The following CDS2 variants were observed in gnomAD, a reference collection of about 807,000 sequenced individuals.
The protein encoded by CDS2 is CDP-diacylglycerol synthase 2, also known as phosphatidate cytidylyltransferase 2.
Under a neutral mutation model 59.0 loss-of-function variants are expected in CDS2, and 47 were observed. That is an observed-to-expected ratio of 0.80 (90% CI 0.63 to 1.02). The LOEUF (loss-of-function observed/expected upper bound fraction) is 1.02. Among genes scored for constraint, CDS2 ranks in the 50% least tolerant of loss-of-function variants. The pLI is 0.00. For synonymous variants in CDS2, 207 were observed against 206.4 expected (o/e 1.00, Z -0.02); for missense variants, 356 against 558.9 (o/e 0.64, Z 3.66).
chr20:5,162,967 A>G (rs2090885977), intron 1 of CDS2, among the ~76,000 whole-genome samples: 1 of 152,178 alleles, frequency 6.6e-6, no homozygotes, highest in Non-Finnish European at 1.5e-5. Context: ...CTTATGTTTG[A>G]AGATGCACTT....
chr20:5,186,717 T>C lies in CDS2; in HGVS notation c.859T>C (p.Phe287Leu). Residue 287 changes from phenylalanine to leucine, a missense_variant, in exon 10 of 13, where the codon TTT (phenylalanine) becomes CTT (leucine). Phe to Leu is a conservative substitution (Grantham distance 22, BLOSUM62 0). Around this residue, in one of 5 missense-constraint regions of CDS2, gnomAD observed 88 missense variants for 103.6 expected, o/e 0.85. Coordinates refer to ENST00000460006, the MANE Select transcript of CDS2 (RefSeq NM_003818.4). Reference protein sequence around the residue: ...LSYVMSGYRCFVCPVEYNNDT... With the variant: ...LSYVMSGYRCLVCPVEYNNDT... ...CTATGTGATGTCCGGGTACAGATGC[T>C]TTGTCTGCCCTGTGGAGTACAACAA... 6.2e-7 allele frequency: 1 copy of C among 1,614,124 alleles called. No homozygotes were observed. The highest frequency in any genetic ancestry group is 8.5e-7 in the Non-Finnish European group (1 of 1,179,998).
intron 1 of CDS2, among the ~76,000 whole-genome samples, chr20:5,131,590 C>T (rs748802020): frequency 6.6e-6 from 1 of 152,186 alleles, no homozygotes; most frequent in Non-Finnish European, 1.5e-5. Context: ...TAAATTAGAG[C>T]TTTACTTATT....
chr20:5,136,452 G>C (rs1261334047), intron 1 of CDS2, among the ~76,000 whole-genome samples: 1 of 152,122 alleles, frequency 6.6e-6, no homozygotes, highest in Non-Finnish European at 1.5e-5. Context: ...GTTGCTCTTG[G>C]AGACTTCAAC....
intron 1 of CDS2, among the ~76,000 whole-genome samples, chr20:5,137,763 C>G (rs2090659523): frequency 6.6e-6 from 1 of 151,560 alleles, no homozygotes; most frequent in East Asian, 2.0e-4. Flanking sequence ...GCAGTGTAGC[C>G]CACTGCACTA....
chr20:5,128,252 G>A (rs1023925427), intron 1 of CDS2: 6 of 152,154 alleles, frequency 3.9e-5, no homozygotes, highest in African/African-American at 1.4e-4. Context: ...CCAGGCTCAC[G>A]GCTTCCCCTA....
At chr20:5,188,980 G>A (rs1364368092) in intron 10 of CDS2, 87 bp from the exon 11 acceptor site, 3 of 1,555,726 alleles carry the variant, frequency 1.9e-6, no homozygotes, top group Admixed American at 1.7e-5. Flanking sequence ...GCCACAATGA[G>A]GATCAAATTT....
intron 1 of CDS2, among the ~76,000 whole-genome samples, chr20:5,147,598 C>T (rs2122984708): frequency 6.6e-6 from 1 of 152,162 alleles, no homozygotes; most frequent in South Asian, 2.1e-4. Context: ...TTTGTAGGGG[C>T]TCCCTATGTT....
chr20:5,133,502 G>T (rs1304244229), intron 1 of CDS2, among the ~76,000 whole-genome samples: 1 of 152,056 alleles, frequency 6.6e-6, no homozygotes, highest in Non-Finnish European at 1.5e-5. Flanking sequence ...GTTAGATACA[G>T]AATGGTTCGT....
At chr20:5,130,202 T>G (rs2090592845) in intron 1 of CDS2, among the ~76,000 whole-genome samples, 1 of 151,680 alleles carries the variant, frequency 6.6e-6, no homozygotes, top group Non-Finnish European at 1.5e-5. Flanking sequence ...CTCGAACTCC[T>G]GACCTCAGGT....
Position 5,193,788 on chromosome 20 carries a change from A to T in CDS2, c.*3554A>T, listed in dbSNP as rs2091136004. ...CAAAGCCAGTCCTAGTTGCATGTCC[A>T]AGGGGGTAGATTTTCATCACCCTAC... On this transcript the variant is annotated 3_prime_UTR_variant, in exon 13 of 13. Transcript: ENST00000460006. 1 of 152,230 alleles carries T rather than the reference A, an allele frequency of 6.6e-6. No homozygotes were observed. The highest frequency in any genetic ancestry group is 1.5e-5 in the Non-Finnish European group (1 of 68,030). 9.4% of individuals were successfully genotyped at this position (152,230 alleles called of 1,614,324 possible). A position where few individuals can be genotyped will look rare whatever the true frequency, so the allele number is the denominator to read the frequency against.
intron 1 of CDS2, among the ~76,000 whole-genome samples, chr20:5,144,777 G>A (rs765114264): frequency 3.9e-5 from 6 of 152,124 alleles, no homozygotes; most frequent in East Asian, 1.9e-4. Context: ...TTAACAATCC[G>A]TGTATGTCTT....
chr20:5,131,396 A>G (rs1259865852), intron 1 of CDS2, among the ~76,000 whole-genome samples: 1 of 152,230 alleles, frequency 6.6e-6, no homozygotes, highest in Non-Finnish European at 1.5e-5. Flanking sequence ...GGCTTTGGGA[A>G]TGATCCTCTT....
chr20:5,190,061 C>T (rs777113902), intron 12 of CDS2, 41 bp from the exon 13 acceptor site: 12 of 1,603,390 alleles, frequency 7.5e-6, no homozygotes, highest in East Asian at 2.2e-5. Context: ...TGGAAGCTTC[C>T]GGGCCCTAGC....
Position 5,173,663 on chromosome 20 carries a change from A to G in CDS2, c.194+4A>G. The G allele has an allele frequency of 6.2e-7, 1 of 1,614,018 alleles. No homozygotes were observed. The highest frequency in any genetic ancestry group is 1.3e-5 in the African/African-American group (1 of 75,054). On this transcript the variant is annotated splice_donor_region_variant and intron_variant, in intron 2 of 12. Coordinates refer to ENST00000460006, the MANE Select transcript of CDS2 (RefSeq NM_003818.4). The stretch of plus-strand genomic sequence containing the variant: ...CCCTTTCCAACTTGTCTTCAAGGTA[A>G]CCTGGCTTAATGATGCAGGTGCTTG...
chr20:5,190,312 T>TA lies in CDS2; in HGVS notation c.*79dup. ...CAAGGCAAGCCCAGCTGGTGTGACTTAGACAATGACGAGGCTTCAACTCAC... is the reference window on the plus strand; with the variant it reads ...CAAGGCAAGCCCAGCTGGTGTGACTTAAGACAATGACGAGGCTTCAACTCAC... On this transcript the variant is annotated 3_prime_UTR_variant, in exon 13 of 13. Coordinates refer to ENST00000460006, the MANE Select transcript of CDS2 (RefSeq NM_003818.4). The TA allele has an allele frequency of 1.3e-5, 18 of 1,411,324 alleles. No individual in the cohort carries two copies. Among genetic ancestry groups the TA allele is most frequent in the Non-Finnish European group, 1.7e-5 (18 of 1,049,152 alleles). The allele number at this position is 1,411,324 out of a possible 1,614,324, so 87.4% of individuals were successfully genotyped here.
intron 2 of CDS2, among the ~76,000 whole-genome samples, 194 bp downstream of exon 2, chr20:5,173,853 G>T (rs1055842931): frequency 6.6e-6 from 1 of 152,220 alleles, no homozygotes; most frequent in African/African-American, 2.4e-5. Flanking sequence ...GTGACCAGGA[G>T]GGGAGGGCAA....
chr20:5,173,324 A>T (rs537066964), intron 1 of CDS2, among the ~76,000 whole-genome samples, 199 bp from the exon 2 acceptor site: 2 of 152,200 alleles, frequency 1.3e-5, no homozygotes, highest in African/African-American at 4.8e-5. Flanking sequence ...CTTCCAGCAG[A>T]GTGTGGCTGG....
In CDS2 at chr20:5,184,539, A is replaced by G. The variant is rs13043341; in HGVS notation, c.672-319A>G. Among the ~76,000 whole-genome samples, 1 of 152,154 alleles carries G rather than the reference A, an allele frequency of 6.6e-6. No individual in the cohort carries two copies. The highest frequency in any genetic ancestry group is 6.5e-5 in the Admixed American group (1 of 15,274). Reference sequence around the variant, plus strand: ...GAGATAGGGATGGGAGAAAGAAGGAAAACTTTTTGTTCCTTTTACAATTAA... The same window carrying G: ...GAGATAGGGATGGGAGAAAGAAGGAGAACTTTTTGTTCCTTTTACAATTAA... On this transcript the variant is annotated intron_variant, in intron 7 of 12. Coordinates refer to ENST00000460006, the MANE Select transcript of CDS2 (RefSeq NM_003818.4). The surrounding 1 kb of genome is among the most constrained non-coding windows in gnomAD (Gnocchi z 4.3).
intron 1 of CDS2, among the ~76,000 whole-genome samples, chr20:5,141,470 G>C (rs1383918072): frequency 6.6e-6 from 1 of 152,222 alleles, no homozygotes; most frequent in Non-Finnish European, 1.5e-5. Context: ...GTGCACCCCA[G>C]CTCCACTGGG....
Sources: allele counts gnomAD v4.1 joint callset (sites outside exome capture counted in the v4.1 genomes callset), GRCh38; gene constraint gnomAD v4.1.1; regional missense constraint gnomAD v4.1.1; non-coding constraint Gnocchi (gnomAD v3.1); transcripts MANE v1.5; gene names NCBI Gene and HGNC (gene_info 2026-07-23, HGNC 2026-07-21).